SNX29: variants seen among roughly 807,000 people sequenced by gnomAD.
SNX29 encodes the protein sorting nexin-29.
Under a neutral mutation model 102.1 loss-of-function variants are expected in SNX29, and 78 were observed. That is an observed-to-expected ratio of 0.76 (90% CI 0.64 to 0.92). The LOEUF (loss-of-function observed/expected upper bound fraction) is 0.92, where lower values mean the gene tolerates loss of function less well. SNX29 is among the 40% of genes least tolerant of loss of function. SNX29 has a pLI of 0.00. For missense variants in SNX29, 1,280 were observed against 1,061.7 expected, an observed-to-expected ratio of 1.21 and a Z score of -2.86; for synonymous variants, 580 against 414.5, an observed-to-expected ratio of 1.40 and a Z score of -4.85.
In SNX29 at chr16:12,185,368, CT is replaced by C. The variant is rs761599958; in HGVS notation, c.1596-14228del. ...AGGCCCCTTGTGGTCGGACACTTGG[CT>C]TTTTCAAGAGAAACCTAGATTTTTA... is the stretch of plus-strand genomic sequence containing the variant. On this transcript the variant is annotated intron_variant, in intron 13 of 20. Transcript: ENST00000566228. 5.6e-4 allele frequency among the ~76,000 whole-genome samples: 85 copies of C among 152,244 alleles called. 1 individual carries two copies. The highest frequency in any genetic ancestry group is 8.5e-4 in the Non-Finnish European group (58 of 68,010).
Position 12,387,629 on chromosome 16 carries a change from G to A in SNX29, c.1900-10817G>A, listed in dbSNP as rs550193728. On this transcript the variant is annotated intron_variant, in intron 16 of 20. Coordinates refer to ENST00000566228, the MANE Select transcript of SNX29 (RefSeq NM_032167.5). ...CATTTTAAAATAGGATGTCGCAGGCGTCGTGGTGGGTGAGTACTGGCTCTG... is the reference window on the plus strand; with the variant it reads ...CATTTTAAAATAGGATGTCGCAGGCATCGTGGTGGGTGAGTACTGGCTCTG... Among the ~76,000 whole-genome samples, 217 of 152,314 alleles carry A rather than the reference G, an allele frequency of 1.4e-3. 1 individual carries two copies. The highest frequency in any genetic ancestry group is 3.8e-3 in the African/African-American group (159 of 41,556).
rs370500133 is a variant in SNX29, at chr16:12,021,795, AG to A, written c.123-5523del. Among the ~76,000 whole-genome samples the A allele has an allele frequency of 1.3e-4, 19 of 151,922 alleles. No individual in the cohort carries two copies. The East Asian group carries it at 3.5e-3, about 28-fold the overall frequency. On this transcript the variant is annotated intron_variant, in intron 3 of 20. Coordinates refer to ENST00000566228, the MANE Select transcript of SNX29 (RefSeq NM_032167.5). Reference sequence around the variant, plus strand: ...TAATCCCAGCTACTCCAGAGGCTTGAGGCAGGATAATCTCGAACGTGGGTGG... The same window carrying A: ...TAATCCCAGCTACTCCAGAGGCTTGAGCAGGATAATCTCGAACGTGGGTGG...
rs80077165 is a variant in SNX29, at chr16:12,489,269, C to G, written c.2178+11410C>G. 1.6e-4 allele frequency among the ~76,000 whole-genome samples: 24 copies of G among 151,040 alleles called. No individual in the cohort carries two copies. In the East Asian group the frequency reaches 4.7e-3, roughly 30 times the overall value. On this transcript the variant is annotated intron_variant, in intron 19 of 20. Transcript: ENST00000566228. ...AGAACTGTGTATTGCAATCTTGGTT[C>G]ATCTCTAACACGCTGGAAAAAAAAA...
At chr16:12,552,586 G>C (rs912783106) in intron 20 of SNX29, among the ~76,000 whole-genome samples, 11 of 151,124 alleles carry the variant, frequency 7.3e-5, no homozygotes, top group Non-Finnish European at 1.3e-4. Context: ...CCCTCATGGA[G>C]TTTATATTCT....
intron 18 of SNX29, among the ~76,000 whole-genome samples, chr16:12,445,007 C>T (rs928999304): frequency 6.6e-5 from 10 of 151,920 alleles, no homozygotes; most frequent in Admixed American, 4.6e-4. Flanking sequence ...TCTGCCACCA[C>T]GCCCAGCTAA....
intron 14 of SNX29, among the ~76,000 whole-genome samples, chr16:12,238,355 G>A (rs1391667835): frequency 6.7e-6 from 1 of 149,286 alleles, no homozygotes; most frequent in Non-Finnish European, 1.5e-5. Flanking sequence ...AGGCTGGAGT[G>A]TACTCTGGGA....
At chr16:12,347,565 T>C (rs1165648848) in intron 15 of SNX29, among the ~76,000 whole-genome samples, 1 of 152,098 alleles carries the variant, frequency 6.6e-6, no homozygotes, top group African/African-American at 2.4e-5. Flanking sequence ...GTTTTCCTTA[T>C]CTGTAAAATG....
At chr16:12,555,052 A>AG (rs1199242536) in intron 20 of SNX29, among the ~76,000 whole-genome samples, 3 of 147,368 alleles carry the variant, frequency 2.0e-5, no homozygotes, top group African/African-American at 8.1e-5. Flanking sequence ...CAGCCTCAAG[A>AG]GGCTGGTTGG....
intron 8 of SNX29, among the ~76,000 whole-genome samples, chr16:12,054,338 G>A (rs2050432374): frequency 6.6e-6 from 1 of 152,178 alleles, no homozygotes; most frequent in South Asian, 2.1e-4. Flanking sequence ...TTAATTTTGT[G>A]TGTCAACTTA....
chr16:12,534,274 C>T (rs2077010481), intron 20 of SNX29, among the ~76,000 whole-genome samples: 1 of 152,240 alleles, frequency 6.6e-6, no homozygotes, highest in South Asian at 2.1e-4. Flanking sequence ...GCCGGCACAC[C>T]TGCCGTCTTT....
At chr16:12,539,184 A>T (rs80044770) in intron 20 of SNX29, among the ~76,000 whole-genome samples, 10 of 152,190 alleles carry the variant, frequency 6.6e-5, no homozygotes, top group Non-Finnish European at 1.5e-4. Context: ...ATTTAAACAC[A>T]TGCATAGATT....
intron 11 of SNX29, chr16:12,087,652 G>T (rs899082011): frequency 3.6e-5 from 13 of 359,016 alleles, no homozygotes; most frequent in Middle Eastern, 3.9e-4. Context: ...CCGTCATTAT[G>T]CGAGATGCCT....
At chr16:12,023,196 C>T (rs2057081605) in intron 3 of SNX29, among the ~76,000 whole-genome samples, 1 of 152,016 alleles carries the variant, frequency 6.6e-6, no homozygotes, top group South Asian at 2.1e-4. Flanking sequence ...TGCACCCCAC[C>T]TGACTGGTGC....
chr16:12,348,869 G>A (rs558226984), intron 15 of SNX29, among the ~76,000 whole-genome samples: 1 of 152,298 alleles, frequency 6.6e-6, no homozygotes, highest in Admixed American at 6.5e-5. Context: ...TAGGGTACAG[G>A]TGAGTACTGC....
chr16:12,167,867 A>G (rs947588202), intron 13 of SNX29, among the ~76,000 whole-genome samples: 6 of 152,184 alleles, frequency 3.9e-5, no homozygotes, highest in Non-Finnish European at 8.8e-5. Context: ...TTGTTTAGGA[A>G]TGGTCCTTGG....
At chr16:12,479,832 T>C (rs573060693) in intron 19 of SNX29, among the ~76,000 whole-genome samples, 4 of 152,310 alleles carry the variant, frequency 2.6e-5, no homozygotes, top group Admixed American at 6.5e-5. Flanking sequence ...TGCCTGTGTC[T>C]TGTGCTAAGG....
intron 18 of SNX29, among the ~76,000 whole-genome samples, chr16:12,417,096 C>T (rs2084667688): frequency 6.6e-6 from 1 of 152,226 alleles, no homozygotes; most frequent in East Asian, 1.9e-4. Context: ...CCACCTCAGG[C>T]ACAGTACTTC....
rs554061417 is a variant in SNX29, at chr16:12,568,636, C to G, written c.*7C>G. The G allele has an allele frequency of 3.1e-6, 5 of 1,601,792 alleles. No homozygotes were observed. The African/African-American group carries it at 4.0e-5, about 13-fold the overall frequency. On this transcript the variant is annotated 3_prime_UTR_variant, in exon 21 of 21. Coordinates refer to ENST00000566228, the MANE Select transcript of SNX29 (RefSeq NM_032167.5). The stretch of plus-strand genomic sequence containing the variant: ...CCAGAGCGGTGACCTCTGACCTCGA[C>G]AAAACCGCAGCCACGGGCCCTGTGC...
intron 15 of SNX29, among the ~76,000 whole-genome samples, chr16:12,319,185 A>ATT (rs1464243510): frequency 3.3e-5 from 5 of 152,284 alleles, no homozygotes; most frequent in Admixed American, 6.5e-5. Context: ...AGCTTTTAAT[A>ATT]TTTAACTTAA....
Sources: gnomAD v4.1 joint callset for allele counts (sites outside exome capture counted in the v4.1 genomes callset) on GRCh38, gnomAD v4.1.1 for gene constraint, MANE v1.5 for transcripts, NCBI Gene and HGNC (gene_info 2026-07-23, HGNC 2026-07-21) for gene names.